Variants in ULK4 observed in about 807,000 individuals in gnomAD.
ULK4 encodes the protein inactive serine/threonine-protein kinase ULK4.
Under a neutral mutation model 160.6 loss-of-function variants are expected in ULK4, and 133 were observed. That is an observed-to-expected ratio of 0.83 (90% CI 0.72 to 0.96). ULK4 has a LOEUF of 0.96. Ranked by LOEUF, ULK4 falls within the 40% of genes least tolerant of loss-of-function variation. The probability of loss-of-function intolerance (pLI) is 0.00; values close to 1 mark genes in which losing one functional copy is unlikely to be tolerated. For synonymous variants in ULK4, 534 were observed against 539.8 expected, an observed-to-expected ratio of 0.99 and a Z score of 0.15; for missense variants, 1,580 against 1,499.5, an observed-to-expected ratio of 1.05 and a Z score of -0.89.
intron 32 of ULK4, among the ~76,000 whole-genome samples, chr3:41,476,193 C>T (rs2084139283): frequency 6.6e-6 from 1 of 152,118 alleles, no homozygotes; most frequent in African/African-American, 2.4e-5. Context: ...CTGTTAGTCT[C>T]CCACCTTACC....
intron 18 of ULK4, among the ~76,000 whole-genome samples, chr3:41,827,030 G>A (rs2041384446): frequency 1.3e-5 from 2 of 150,772 alleles, no homozygotes; most frequent in Non-Finnish European, 2.9e-5. Flanking sequence ...CCACTACATG[G>A]AAACTGAACA....
intron 35 of ULK4, among the ~76,000 whole-genome samples, chr3:41,389,434 A>G (rs1057160250): frequency 1.3e-5 from 2 of 152,160 alleles, no homozygotes; most frequent in African/African-American, 4.8e-5. Context: ...GAGAGAGGGC[A>G]TTCCTGTCTT....
intron 32 of ULK4, among the ~76,000 whole-genome samples, chr3:41,554,001 C>G (rs955905594): frequency 2.9e-4 from 44 of 152,112 alleles, no homozygotes; most frequent in African/African-American, 1.1e-3. Context: ...CCATTCCCAG[C>G]CTCTCGTAAC....
At chr3:41,583,582 A>T (rs768815157) in intron 31 of ULK4, among the ~76,000 whole-genome samples, 2 of 152,202 alleles carry the variant, frequency 1.3e-5, no homozygotes, top group Non-Finnish European at 1.5e-5. Flanking sequence ...AGCTCCTTCT[A>T]TACCAGCCTC....
chr3:41,816,158 T>C (rs2040957331), intron 19 of ULK4, among the ~76,000 whole-genome samples: 1 of 151,852 alleles, frequency 6.6e-6, no homozygotes, highest in African/African-American at 2.4e-5. Context: ...AGTGGCTACA[T>C]TAAAATTAAG....
rs936531593 is a variant in ULK4, at chr3:41,371,240, T to C, written c.3678+26839A>G. The stretch of plus-strand genomic sequence containing the variant: ...CAGCTTCAGCAGACTTAAATGTTCC[T>C]GCTTGCTGGGTCTGAAGAGAGCAGC... On this transcript the variant is annotated intron_variant, in intron 35 of 36. Transcript: ENST00000301831. Among the ~76,000 whole-genome samples, 7 of 152,202 alleles carry C rather than the reference T, an allele frequency of 4.6e-5. No homozygotes were observed. In the East Asian group the frequency reaches 1.4e-3, roughly 29 times the overall value.
chr3:41,531,547 C>T (rs1483166540), intron 32 of ULK4, among the ~76,000 whole-genome samples: 1 of 151,482 alleles, frequency 6.6e-6, no homozygotes, highest in Non-Finnish European at 1.5e-5. Flanking sequence ...AATAAACATC[C>T]TTCTCATCAA....
At chr3:41,637,190 C>A (rs947371768) in intron 30 of ULK4, among the ~76,000 whole-genome samples, 2 of 152,068 alleles carry the variant, frequency 1.3e-5, no homozygotes, top group Non-Finnish European at 2.9e-5. Context: ...CCAGCATCTC[C>A]CCAACCTTCT....
At position 41,600,951 on chromosome 3, in the gene ULK4, C is replaced by G. The variant is rs974835840; in HGVS notation, c.3120+14718G>C. On this transcript the variant is annotated intron_variant, in intron 31 of 36. Transcript: ENST00000301831. ...AAGACAAAAACAGATGCCTATTTTACACAAGAAAAATTGATAAAGGGATAA... is the reference window on the plus strand; with the variant it reads ...AAGACAAAAACAGATGCCTATTTTAGACAAGAAAAATTGATAAAGGGATAA... 4.6e-5 allele frequency among the ~76,000 whole-genome samples: 7 copies of G among 152,082 alleles called. No homozygotes were observed. The East Asian group carries it at 1.2e-3, about 25-fold the overall frequency.
chr3:41,644,341 G>T (rs1327026950), intron 30 of ULK4, among the ~76,000 whole-genome samples: 1 of 151,734 alleles, frequency 6.6e-6, no homozygotes, highest in African/African-American at 2.4e-5. Flanking sequence ...GTCATAGATA[G>T]CTCTTATTAT....
intron 21 of ULK4, among the ~76,000 whole-genome samples, chr3:41,757,788 C>A (rs113193408): frequency 6.6e-6 from 1 of 151,634 alleles, no homozygotes; most frequent in African/African-American, 2.4e-5. Flanking sequence ...TGCGTGCCAC[C>A]GGCTAATTTT....
chr3:41,905,350 A>T (rs1698514966), intron 12 of ULK4, among the ~76,000 whole-genome samples: 1 of 152,246 alleles, frequency 6.6e-6, no homozygotes, highest in South Asian at 2.1e-4. Context: ...AAAATAGCTA[A>T]ATCTAAGAGA....
intron 30 of ULK4, among the ~76,000 whole-genome samples, chr3:41,625,042 G>A (rs547045256): frequency 2.0e-5 from 3 of 152,164 alleles, no homozygotes; most frequent in African/African-American, 7.2e-5. Flanking sequence ...GGATGTTAAA[G>A]CAAGTAAGGA....
chr3:41,317,523 A>G (rs983516863), intron 35 of ULK4, among the ~76,000 whole-genome samples: 1 of 152,220 alleles, frequency 6.6e-6, no homozygotes, highest in African/African-American at 2.4e-5. Context: ...TGATAATGAT[A>G]AATGATCTAA....
chr3:41,730,731 T>C (rs1279337223), intron 22 of ULK4, among the ~76,000 whole-genome samples: 3 of 152,170 alleles, frequency 2.0e-5, no homozygotes, highest in Non-Finnish European at 2.9e-5. Context: ...TCCAAAAAAT[T>C]GAAGACAAAG....
chr3:41,564,883 C>T (rs1575422063), intron 32 of ULK4, among the ~76,000 whole-genome samples: 1 of 152,202 alleles, frequency 6.6e-6, no homozygotes, highest in South Asian at 2.1e-4. Flanking sequence ...CTGACTCCCT[C>T]AGGGCAACTT....
At chr3:41,432,604 A>T (rs2125848001) in intron 34 of ULK4, among the ~76,000 whole-genome samples, 1 of 152,300 alleles carries the variant, frequency 6.6e-6, no homozygotes, top group Non-Finnish European at 1.5e-5. Context: ...TAGGTCAAGG[A>T]GATGATATTT....
intron 35 of ULK4, among the ~76,000 whole-genome samples, chr3:41,368,353 T>C (rs1343738414): frequency 6.6e-6 from 1 of 152,182 alleles, no homozygotes; most frequent in Non-Finnish European, 1.5e-5. Flanking sequence ...CCGGCCTGTG[T>C]TGTGATTTTT....
At chr3:41,269,778 T>C (rs567604799) in intron 35 of ULK4, among the ~76,000 whole-genome samples, 1 of 152,322 alleles carries the variant, frequency 6.6e-6, no homozygotes, top group East Asian at 1.9e-4. Context: ...GGTTCTACCA[T>C]TTCTTATAAA....
Sources: gnomAD v4.1 joint callset for allele counts (sites outside exome capture counted in the v4.1 genomes callset) on GRCh38, gnomAD v4.1.1 for gene constraint, MANE v1.5 for transcripts, NCBI Gene and HGNC (gene_info 2026-07-23, HGNC 2026-07-21) for gene names.